The following CDS2 variants were observed in gnomAD, a reference collection of about 807,000 sequenced individuals.
The protein encoded by CDS2 is CDP-diacylglycerol synthase 2.
A neutral mutation model predicts 59.0 loss-of-function variants in CDS2; 47 were observed. The observed-to-expected ratio is 0.80, with a 90% CI of 0.63 to 1.02. The LOEUF (loss-of-function observed/expected upper bound fraction) is 1.02. CDS2 is among the 50% of genes least tolerant of loss of function. The probability of loss-of-function intolerance (pLI) is 0.00; values close to 1 mark genes in which losing one functional copy is unlikely to be tolerated. For synonymous variants in CDS2, 207 were observed against 206.4 expected, an observed-to-expected ratio of 1.00 and a Z score of -0.02; for missense variants, 356 against 558.9, an observed-to-expected ratio of 0.64 and a Z score of 3.66.
At chr20:5,180,453 C>CT (rs1047583367) in intron 5 of CDS2, among the ~76,000 whole-genome samples, 4 of 151,888 alleles carry the variant, frequency 2.6e-5, no homozygotes, top group African/African-American at 9.7e-5. Context: ...TTCATGTTTC[C>CT]TTTTTTTAGA....
chr20:5,165,462 G>T (rs140481954), intron 1 of CDS2, among the ~76,000 whole-genome samples: 1 of 152,222 alleles, frequency 6.6e-6, no homozygotes, highest in East Asian at 1.9e-4. Context: ...GGTGCTGGGG[G>T]TACAGTGGTG....
At chr20:5,175,154 T>A in intron 2 of CDS2, 29 bp from the exon 3 acceptor site, 1 of 1,570,248 alleles carries the variant, frequency 6.4e-7, no homozygotes, top group Non-Finnish European at 8.8e-7. Flanking sequence ...CTAACTGGTG[T>A]TTTCTCCTTC....
At chr20:5,146,879 C>T (rs763687595) in intron 1 of CDS2, among the ~76,000 whole-genome samples, 1 of 152,142 alleles carries the variant, frequency 6.6e-6, no homozygotes, top group Non-Finnish European at 1.5e-5. Flanking sequence ...ACTCTCTTGC[C>T]CTTCTACCTT....
chr20:5,189,818 A>G lies in CDS2; in HGVS notation c.1185A>G (p.Val395=). The G allele has an allele frequency of 1.2e-6, 2 of 1,613,722 alleles. No homozygotes were observed. The highest frequency in any genetic ancestry group is 1.7e-6 in the Non-Finnish European group (2 of 1,179,606). The change falls in exon 12 of 13, where the codon GTA becomes GTG. Residue 395 remains valine, a synonymous_variant. Coordinates refer to ENST00000460006, the MANE Select transcript of CDS2 (RefSeq NM_003818.4). ...ATCTGATGGCCACCTTTGTCAATGT[A>G]TACATCGCCAGTTTTATCAGGTATA... ...CQYLMATFVN[V]YIASFIRGPN...
At position 5,195,665 on chromosome 20, in the gene CDS2, AGAG is replaced by A. The variant is rs1294401604; in HGVS notation, c.*5432_*5434del. On this transcript the variant is annotated 3_prime_UTR_variant, in exon 13 of 13. Coordinates refer to ENST00000460006, the MANE Select transcript of CDS2 (RefSeq NM_003818.4). ...GGGTGGATGTCCTCAGGGGCCAAGA[AGAG>A]AAGAATGGGGACAACAGAAACCTGC... is the stretch of plus-strand genomic sequence containing the variant. The A allele has an allele frequency of 3.3e-5, 5 of 152,442 alleles. No homozygotes were observed. Among genetic ancestry groups the A allele is most frequent in the Non-Finnish European group, 7.3e-5 (5 of 68,232 alleles). The allele number at this position is 152,442 out of a possible 1,614,324, so 9.4% of individuals were successfully genotyped here. A position where few individuals can be genotyped will look rare whatever the true frequency, so the allele number is the denominator to read the frequency against.
chr20:5,183,216 C>T, intron 7 of CDS2, 73 bp downstream of exon 7: 1 of 1,243,402 alleles, frequency 8.0e-7, no homozygotes, highest in Non-Finnish European at 1.2e-6. Flanking sequence ...CCCTCTAAGC[C>T]AGTGGCCCTC....
chr20:5,159,623 T>C (rs2090861640), intron 1 of CDS2, among the ~76,000 whole-genome samples: 1 of 152,208 alleles, frequency 6.6e-6, no homozygotes, highest in South Asian at 2.1e-4. Flanking sequence ...TAATAATGCC[T>C]GTGCAGATGG....
intron 1 of CDS2, among the ~76,000 whole-genome samples, chr20:5,153,777 C>G (rs1489531967): frequency 6.6e-6 from 1 of 152,174 alleles, no homozygotes; most frequent in African/African-American, 2.4e-5. Context: ...GATTGATATT[C>G]ATTATTAATG....
intron 2 of CDS2, among the ~76,000 whole-genome samples, chr20:5,174,503 G>A (rs535990956): frequency 6.6e-6 from 1 of 152,258 alleles, no homozygotes; most frequent in South Asian, 2.1e-4. Context: ...TTGGGAGGCC[G>A]AGGCGGGTGG....
In CDS2 at chr20:5,149,743, C is replaced by T. The variant is rs1009685958; in HGVS notation, c.57+22594C>T. ...TGTTTTTTGTTTTTTTGAGACAGAA[C>T]GTCGCTCTTTTGCCGAGGCTGGAGT... On this transcript the variant is annotated intron_variant, in intron 1 of 12. Transcript: ENST00000460006. Among the ~76,000 whole-genome samples the T allele has an allele frequency of 6.0e-5, 9 of 151,246 alleles. No homozygotes were observed. The East Asian group carries it at 7.8e-4, about 13-fold the overall frequency.
Position 5,193,438 on chromosome 20 carries a change from A to G in CDS2, c.*3204A>G, listed in dbSNP as rs1452198826. The G allele has an allele frequency of 6.6e-6, 1 of 152,186 alleles. No individual in the cohort carries two copies. The highest frequency in any genetic ancestry group is 2.4e-5 in the African/African-American group (1 of 41,442). The allele number at this position is 152,186 out of a possible 1,614,324, so 9.4% of individuals were successfully genotyped here. On this transcript the variant is annotated 3_prime_UTR_variant, in exon 13 of 13. Transcript: ENST00000460006. ...GTGGACTTTGAATCCATTTTTATAG[A>G]ATTTTTTTCCACTGTAACTTGACCT...
intron 1 of CDS2, among the ~76,000 whole-genome samples, chr20:5,143,026 T>G (rs772560822): frequency 2.6e-5 from 4 of 152,086 alleles, no homozygotes; most frequent in Admixed American, 6.6e-5. Context: ...TATTTTTTTG[T>G]AGAAACAGAG....
chr20:5,164,438 A>G (rs1409827595), intron 1 of CDS2, among the ~76,000 whole-genome samples: 1 of 152,048 alleles, frequency 6.6e-6, no homozygotes, highest in Non-Finnish European at 1.5e-5. Flanking sequence ...CCAGATGGCG[A>G]TTTATGATTT....
rs75728353 is a variant in CDS2, at chr20:5,187,205, G to A, written c.981+366G>A. The A allele has an allele frequency of 2.9e-4, 68 of 235,812 alleles. No individual in the cohort carries two copies. In the East Asian group the frequency reaches 5.6e-3, roughly 19 times the overall value. 14.6% of individuals were successfully genotyped at this position (235,812 alleles called of 1,614,324 possible). On this transcript the variant is annotated intron_variant, in intron 10 of 12. Transcript: ENST00000460006. ...TTTGCTGTGATACGGCGCAAAAGCAGCAGTGGTTAAAACTGCGTTAAGGCA... is the reference window on the plus strand; with the variant it reads ...TTTGCTGTGATACGGCGCAAAAGCAACAGTGGTTAAAACTGCGTTAAGGCA...
chr20:5,178,111 C>T (rs975245115), intron 4 of CDS2, among the ~76,000 whole-genome samples: 29 of 152,196 alleles, frequency 1.9e-4, no homozygotes, highest in Non-Finnish European at 3.8e-4. Context: ...GTGGAGGCTG[C>T]AAGGGATGGC....
intron 1 of CDS2, among the ~76,000 whole-genome samples, chr20:5,138,089 G>A (rs9753591): frequency 3.3e-5 from 5 of 151,130 alleles, no homozygotes; most frequent in East Asian, 2.0e-4. Flanking sequence ...GAGCCACCGC[G>A]CCTGGCCACA....
chr20:5,186,785 G>A lies in CDS2; in HGVS notation c.927G>A (p.Leu309=), dbSNP rs1317194252. ...CTGTGGACTGTGAGCCCTCGGACCTGTTTCGCCTGCAGGAGTACAACATTC... is the reference window on the plus strand; with the variant it reads ...CTGTGGACTGTGAGCCCTCGGACCTATTTCGCCTGCAGGAGTACAACATTC... ...SFTVDCEPSD[L]FRLQEYNIPG... Residue 309 remains leucine (L), a synonymous_variant, in exon 10 of 13, where the codon CTG becomes CTA. Coordinates refer to ENST00000460006, the MANE Select transcript of CDS2 (RefSeq NM_003818.4). 1.9e-6 allele frequency: 3 copies of A among 1,614,134 alleles called. No individual in the cohort carries two copies. Among genetic ancestry groups the A allele is most frequent in the East Asian group, 2.2e-5 (1 of 44,874 alleles).
At position 5,192,052 on chromosome 20, in the gene CDS2, T is replaced by TA. The variant is rs1345470299; in HGVS notation, c.*1820dup. 2.6e-5 allele frequency: 4 copies of TA among 152,124 alleles called. No homozygotes were observed. The highest frequency in any genetic ancestry group is 1.3e-4 in the Admixed American group (2 of 15,278). 9.4% of individuals were successfully genotyped at this position (152,124 alleles called of 1,614,324 possible). On this transcript the variant is annotated 3_prime_UTR_variant, in exon 13 of 13. Coordinates refer to ENST00000460006, the MANE Select transcript of CDS2 (RefSeq NM_003818.4). ...TTTCAGGCCCTTACATGCTTATCCT[T>TA]AAGGTGAGTAGGTATCTCAGCAGCA...
chr20:5,152,413 T>C (rs539075318), intron 1 of CDS2, among the ~76,000 whole-genome samples: 103 of 152,306 alleles, frequency 6.8e-4, no homozygotes, highest in African/African-American at 2.4e-3. Flanking sequence ...CGTTTCATCT[T>C]TAGTTTGGAT....
Sources: gnomAD v4.1 joint callset for allele counts (sites outside exome capture counted in the v4.1 genomes callset) on GRCh38, gnomAD v4.1.1 for gene constraint, MANE v1.5 for transcripts, NCBI Gene and HGNC (gene_info 2026-07-23, HGNC 2026-07-21) for gene names.